The following ZFPM2 variants were observed in gnomAD, a reference collection of about 807,000 sequenced individuals.
ZFPM2 encodes zinc finger protein ZFPM2.
A neutral mutation model predicts 98.6 loss-of-function variants in ZFPM2; 20 were observed. The observed-to-expected ratio is 0.20, with a 90% confidence interval of 0.14 to 0.29. The LOEUF (loss-of-function observed/expected upper bound fraction) is 0.29, where lower values mean the gene tolerates loss of function less well. Ranked by LOEUF, ZFPM2 falls within the 10% of genes least tolerant of loss-of-function variation. ZFPM2 has a pLI of 1.00. For missense variants in ZFPM2, 1,310 were observed against 1,388.6 expected (o/e 0.94, Z 0.90); for synonymous variants, 518 against 502.7 (o/e 1.03, Z -0.41).
intron 5 of ZFPM2, among the ~76,000 whole-genome samples, chr8:105,664,618 A>G (rs1299216424): frequency 6.6e-6 from 1 of 152,222 alleles, no homozygotes; most frequent in African/African-American, 2.4e-5. Context: ...TATAGGCAAG[A>G]GCCACCGCAC....
chr8:105,462,645 G>A (rs917050444), intron 3 of ZFPM2, among the ~76,000 whole-genome samples: 3 of 152,082 alleles, frequency 2.0e-5, no homozygotes, highest in African/African-American at 4.8e-5. Flanking sequence ...TATTATATGA[G>A]TGAATTAATG....
intron 1 of ZFPM2, among the ~76,000 whole-genome samples, chr8:105,417,210 A>T (rs966907703): frequency 1.3e-5 from 2 of 152,160 alleles, no homozygotes; most frequent in Admixed American, 6.6e-5. Context: ...TGGAAACCTT[A>T]TTCTAGTTAA....
chr8:105,628,084 A>G (rs1466293416), intron 4 of ZFPM2, among the ~76,000 whole-genome samples: 24 of 152,156 alleles, frequency 1.6e-4, no homozygotes, highest in Admixed American at 1.4e-3. Context: ...GTAGAGTACT[A>G]GGTACTTTGC....
intron 5 of ZFPM2, among the ~76,000 whole-genome samples, chr8:105,772,673 G>A (rs1308785591): frequency 6.6e-6 from 1 of 152,124 alleles, no homozygotes; most frequent in Admixed American, 6.6e-5. Flanking sequence ...TCTGTTCAAA[G>A]AGTTTTATTA....
chr8:105,425,750 A>G (rs4734863), intron 2 of ZFPM2, among the ~76,000 whole-genome samples: 52,074 of 151,990 alleles, frequency 0.34, 11,221 homozygotes, highest in African/African-American at 0.61. Flanking sequence ...AATCTAAGTT[A>G]AGGTTATTGG....
chr8:105,397,805 C>A (rs1178155276), intron 1 of ZFPM2, among the ~76,000 whole-genome samples: 2 of 151,986 alleles, frequency 1.3e-5, no homozygotes, highest in Non-Finnish European at 2.9e-5. Context: ...ACTTGGTTTC[C>A]CTTACCTTTT....
At chr8:105,469,032 A>G (rs1358243675) in intron 3 of ZFPM2, among the ~76,000 whole-genome samples, 3 of 151,476 alleles carry the variant, frequency 2.0e-5, no homozygotes, top group East Asian at 1.9e-4. Context: ...CACTTGTCCC[A>G]TAGGGGGAAA....
intron 3 of ZFPM2, among the ~76,000 whole-genome samples, chr8:105,554,147 C>T (rs1773742566): frequency 6.6e-6 from 1 of 152,156 alleles, no homozygotes; most frequent in South Asian, 2.1e-4. Context: ...TTTGTAGTCA[C>T]CAACCAAGAA....
intron 5 of ZFPM2, among the ~76,000 whole-genome samples, chr8:105,783,729 G>A (rs986938227): frequency 2.6e-5 from 4 of 152,046 alleles, no homozygotes; most frequent in Non-Finnish European, 4.4e-5. Flanking sequence ...TCTTTTCAAG[G>A]CGGAATAATA....
At chr8:105,770,528 C>T (rs1433621805) in intron 5 of ZFPM2, among the ~76,000 whole-genome samples, 2 of 151,948 alleles carry the variant, frequency 1.3e-5, no homozygotes. Context: ...CCCACATTAT[C>T]GTGAATAAAA....
chr8:105,588,142 AT>A (rs1322638974), intron 4 of ZFPM2, among the ~76,000 whole-genome samples: 1 of 152,172 alleles, frequency 6.6e-6, no homozygotes, highest in Non-Finnish European at 1.5e-5. Context: ...AATTTGAAAA[AT>A]AAACCTATCT....
In ZFPM2 at chr8:105,653,854, C is replaced by CTTTTTTTTTTT. The variant is rs60218363; in HGVS notation, c.532+19520_532+19530dup. On this transcript the variant is annotated intron_variant, in intron 5 of 7. Coordinates refer to ENST00000407775, the MANE Select transcript of ZFPM2 (RefSeq NM_012082.4). Reference sequence around the variant, plus strand: ...CTTTATACAACAGCTTGTGTGCTATCTTTTTTTTTTTTTTTTTTTTTTTTT... The same window carrying CTTTTTTTTTTT: ...CTTTATACAACAGCTTGTGTGCTATCTTTTTTTTTTTTTTTTTTTTTTTTTTTTTTTTTTTT... Among the ~76,000 whole-genome samples the CTTTTTTTTTTT allele has an allele frequency of 8.3e-3, 292 of 35,286 alleles. 72 individuals are homozygous for CTTTTTTTTTTT. The highest frequency in any genetic ancestry group is 0.038 in the Middle Eastern group (1 of 26). 23.1% of individuals were successfully genotyped at this position (35,286 alleles called of 152,430 possible).
intron 1 of ZFPM2, among the ~76,000 whole-genome samples, chr8:105,321,271 C>T (rs1041219176): frequency 1.3e-5 from 2 of 152,152 alleles, no homozygotes; most frequent in Admixed American, 6.5e-5. Flanking sequence ...TATCCAAAGT[C>T]GTTATTATTG....
intron 5 of ZFPM2, among the ~76,000 whole-genome samples, chr8:105,650,600 G>T (rs1010486894): frequency 2.0e-5 from 3 of 152,156 alleles, no homozygotes; most frequent in African/African-American, 7.2e-5. Flanking sequence ...TGGTTTCAAA[G>T]AACATCTTTA....
chr8:105,605,331 A>G (rs1437104511), intron 4 of ZFPM2, among the ~76,000 whole-genome samples: 2 of 152,106 alleles, frequency 1.3e-5, no homozygotes, highest in Non-Finnish European at 2.9e-5. Context: ...TTTTTTTTGA[A>G]AACAAAGTAA....
At chr8:105,401,391 T>C (rs1393907103) in intron 1 of ZFPM2, among the ~76,000 whole-genome samples, 2 of 152,178 alleles carry the variant, frequency 1.3e-5, no homozygotes, top group South Asian at 2.1e-4. Context: ...AAAAATGCTT[T>C]ACTGCCTTTT....
In ZFPM2 at chr8:105,556,716, T is replaced by TCCCTC. The variant is rs554665315; in HGVS notation, c.302-4627_302-4623dup. On this transcript the variant is annotated intron_variant, in intron 3 of 7. Coordinates refer to ENST00000407775, the MANE Select transcript of ZFPM2 (RefSeq NM_012082.4). ...CCTTCCCCCTTCCCTTCCCTTCCCT[T>TCCCTC]CCCTCCCCTCCCCTCCCCTCCCCTT... Among the ~76,000 whole-genome samples, 13 of 123,638 alleles carry TCCCTC rather than the reference T, an allele frequency of 1.1e-4. No individual in the cohort carries two copies. The East Asian group carries it at 1.1e-3, about 11-fold the overall frequency. 81.1% of individuals were successfully genotyped at this position (123,638 alleles called of 152,430 possible).
chr8:105,564,282 C>T (rs1262544616), intron 4 of ZFPM2, among the ~76,000 whole-genome samples: 1 of 151,814 alleles, frequency 6.6e-6, no homozygotes, highest in South Asian at 2.1e-4. Context: ...TTATAGAAAA[C>T]AATTTTAATA....
chr8:105,529,824 A>G (rs573490062), intron 3 of ZFPM2, among the ~76,000 whole-genome samples: 130 of 152,070 alleles, frequency 8.5e-4, no homozygotes, highest in African/African-American at 3.0e-3. Context: ...TCTGCCTCCC[A>G]GGATCAAGCA....
Sources: allele counts gnomAD v4.1 joint callset (sites outside exome capture counted in the v4.1 genomes callset), GRCh38; gene constraint gnomAD v4.1.1; transcripts MANE v1.5; gene names NCBI Gene and HGNC (gene_info 2026-07-23, HGNC 2026-07-21).